The following FMN1 variants were observed in gnomAD, a reference collection of about 807,000 sequenced individuals.
FMN1 encodes the protein formin 1.
A neutral mutation model predicts 132.4 loss-of-function variants in FMN1; 110 were observed. That is an observed-to-expected ratio of 0.83 (90% CI 0.71 to 0.97). The LOEUF is 0.97. FMN1 is among the 50% of genes least tolerant of loss of function. FMN1 has a pLI of 0.00. For synonymous variants in FMN1, 722 were observed against 651.7 expected (o/e 1.11, Z -1.64); for missense variants, 1,792 against 1,705.3 (o/e 1.05, Z -0.90).
intron 4 of FMN1, among the ~76,000 whole-genome samples, chr15:33,100,699 G>T (rs889393460): frequency 6.6e-6 from 1 of 152,136 alleles, no homozygotes; most frequent in Non-Finnish European, 1.5e-5. Context: ...ATCCACTTGT[G>T]TGAATCTATC....
At chr15:32,846,057 C>A (rs1047266624) in intron 17 of FMN1, among the ~76,000 whole-genome samples, 9 of 152,072 alleles carry the variant, frequency 5.9e-5, no homozygotes, top group African/African-American at 2.2e-4. Context: ...CTTCTGACTT[C>A]AAGCACAAAG....
chr15:32,776,835 C>G lies in FMN1; in HGVS notation c.4215G>C (p.Leu1405=). Residue 1405 remains leucine (L), a splice_region_variant and synonymous_variant, in exon 20 of 21, where the codon CTG becomes CTC. Transcript: ENST00000616417. ...GATTATGTTGAAAAATATATCTCAC[C>G]AGGCTAGCAGTGGGATTGATTTTCT... ...ETKKINPTAS[L]KERLRQKEAS... is the part of the protein sequence containing the mutation. 2 of 1,564,120 alleles carry G rather than the reference C, an allele frequency of 1.3e-6. No individual in the cohort carries two copies. Among genetic ancestry groups the G allele is most frequent in the Non-Finnish European group, 1.7e-6 (2 of 1,143,640 alleles).
At chr15:32,777,729 T>G (rs1170966516) in intron 19 of FMN1, among the ~76,000 whole-genome samples, 1 of 140,032 alleles carries the variant, frequency 7.1e-6, no homozygotes, top group East Asian at 2.1e-4. Context: ...ACGTATAATA[T>G]ATAATACATT....
intron 9 of FMN1, 108 bp from the exon 10 acceptor site, chr15:32,926,369 T>A: frequency 1.6e-6 from 1 of 607,102 alleles, no homozygotes; most frequent in Non-Finnish European, 2.9e-6. Flanking sequence ...ATTGATGAAC[T>A]AAATTGATGC....
At chr15:33,178,490 T>A (rs1965591333) in intron 3 of FMN1, among the ~76,000 whole-genome samples, 1 of 152,210 alleles carries the variant, frequency 6.6e-6, no homozygotes, top group Non-Finnish European at 1.5e-5. Flanking sequence ...TTTTGTCCAA[T>A]CCTAACCATG....
intron 4 of FMN1, among the ~76,000 whole-genome samples, chr15:33,112,588 A>C (rs2039752064): frequency 6.6e-6 from 1 of 152,102 alleles, no homozygotes; most frequent in Non-Finnish European, 1.5e-5. Context: ...TCATAAAAAC[A>C]CTCCAAAGAT....
At chr15:32,782,562 G>C (rs1161735798) in intron 19 of FMN1, among the ~76,000 whole-genome samples, 1 of 152,182 alleles carries the variant, frequency 6.6e-6, no homozygotes, top group Non-Finnish European at 1.5e-5. Context: ...TTGCCCACAA[G>C]GAGACTAAGA....
At chr15:33,126,678 C>G (rs906326284) in intron 4 of FMN1, among the ~76,000 whole-genome samples, 3 of 96,822 alleles carry the variant, frequency 3.1e-5, no homozygotes, top group African/African-American at 9.9e-5. Context: ...ATGGGACCAA[C>G]TCAGCAGACA....
At chr15:33,035,370 T>C (rs559709678) in intron 6 of FMN1, among the ~76,000 whole-genome samples, 3 of 152,306 alleles carry the variant, frequency 2.0e-5, no homozygotes, top group East Asian at 1.9e-4. Flanking sequence ...TTTTTTCCTA[T>C]CTACATTCGA....
At chr15:33,059,203 T>C (rs112577499) in intron 6 of FMN1, among the ~76,000 whole-genome samples, 1 of 152,202 alleles carries the variant, frequency 6.6e-6, no homozygotes, top group South Asian at 2.1e-4. Flanking sequence ...TACATCCACA[T>C]TGGCACAACT....
chr15:33,153,046 A>C lies in FMN1; in HGVS notation c.1867+2T>G. On this transcript the variant is annotated splice_donor_variant, in intron 4 of 20. Transcript: ENST00000616417. LOFTEE classifies it high-confidence loss of function. ...TTCAAAGCATCTTAAACAGAGACTA[A>C]CCTGGAGGTGACTGGTGCTGGGGCT... The C allele has an allele frequency of 1.3e-6, 2 of 1,515,224 alleles. No individual in the cohort carries two copies. Among genetic ancestry groups the C allele is most frequent in the Non-Finnish European group, 1.8e-6 (2 of 1,138,362 alleles). The allele number at this position is 1,515,224 out of a possible 1,614,324, so 93.9% of individuals were successfully genotyped here.
At chr15:32,899,253 C>G (rs1167403156) in intron 14 of FMN1, among the ~76,000 whole-genome samples, 1 of 152,190 alleles carries the variant, frequency 6.6e-6, no homozygotes, top group East Asian at 1.9e-4. Context: ...AGCACCCTCC[C>G]TGCCCGTCTT....
chr15:32,779,140 G>GT (rs761948783), intron 19 of FMN1, among the ~76,000 whole-genome samples: 9 of 152,284 alleles, frequency 5.9e-5, no homozygotes, highest in Admixed American at 1.3e-4. Context: ...AAAACTATGG[G>GT]TTTCCCCATG....
At chr15:33,016,786 C>T (rs2035072969) in intron 6 of FMN1, among the ~76,000 whole-genome samples, 1 of 152,224 alleles carries the variant, frequency 6.6e-6, no homozygotes, top group African/African-American at 2.4e-5. Context: ...GTGTCCCACA[C>T]ACCTGGGCGA....
chr15:33,091,528 A>G (rs1017942714), intron 4 of FMN1, among the ~76,000 whole-genome samples: 2 of 152,248 alleles, frequency 1.3e-5, no homozygotes, highest in African/African-American at 4.8e-5. Context: ...ATGATGCATA[A>G]TAATTTTGGC....
At chr15:33,187,531 A>G (rs1031598779) in intron 2 of FMN1, among the ~76,000 whole-genome samples, 2 of 152,224 alleles carry the variant, frequency 1.3e-5, no homozygotes, top group African/African-American at 2.4e-5. Flanking sequence ...CCTGCGTGCT[A>G]TATCTAGGTA....
chr15:33,018,698 C>A (rs142463955), intron 6 of FMN1, among the ~76,000 whole-genome samples: 58 of 152,214 alleles, frequency 3.8e-4, no homozygotes, highest in Non-Finnish European at 6.3e-4. Flanking sequence ...GCTGCGGACC[C>A]TTGCCATGAC....
In FMN1 at chr15:32,898,894, C is replaced by T; in HGVS notation, c.3655-1G>A. On this transcript the variant is annotated splice_acceptor_variant, in intron 14 of 20. Coordinates refer to ENST00000616417, the MANE Select transcript of FMN1 (RefSeq NM_001277313.2). LOFTEE classifies it high-confidence loss of function. Reference sequence around the variant, plus strand: ...AGTCCACCAGATTAATCCCATTATCCTAGGTTTAAAAGAGAAATGTACATG... The same window carrying T: ...AGTCCACCAGATTAATCCCATTATCTTAGGTTTAAAAGAGAAATGTACATG... 1 of 1,580,692 alleles carries T rather than the reference C, an allele frequency of 6.3e-7. No individual in the cohort carries two copies. The highest frequency in any genetic ancestry group is 8.7e-7 in the Non-Finnish European group (1 of 1,152,326).
chr15:32,822,660 T>C (rs1232842595), intron 17 of FMN1, among the ~76,000 whole-genome samples: 2 of 152,222 alleles, frequency 1.3e-5, no homozygotes, highest in Non-Finnish European at 2.9e-5. Flanking sequence ...CTGTTGGCTC[T>C]TTCAATAAGA....
Sources: allele counts gnomAD v4.1 joint callset (sites outside exome capture counted in the v4.1 genomes callset), GRCh38; gene constraint gnomAD v4.1.1; transcripts MANE v1.5; gene names NCBI Gene and HGNC (gene_info 2026-07-23, HGNC 2026-07-21).